Variants in AK4 observed in about 807,000 individuals in gnomAD.
The protein encoded by AK4 is adenylate kinase 4, also known as adenylate kinase 4, mitochondrial.
Under a neutral mutation model 24.6 loss-of-function variants are expected in AK4, and 13 were observed. The ratio of observed to expected loss-of-function variants is 0.53; its 90% CI spans 0.34 to 0.84. The LOEUF (loss-of-function observed/expected upper bound fraction) is 0.84, where lower values mean the gene tolerates loss of function less well. Ranked by LOEUF, AK4 falls within the 40% of genes least tolerant of loss-of-function variation. AK4 has a pLI of 0.01. For synonymous variants in AK4, 88 were observed against 107.0 expected, an observed-to-expected ratio of 0.82 and a Z score of 1.10; for missense variants, 192 against 288.2, an observed-to-expected ratio of 0.67 and a Z score of 2.42.
intron 1 of AK4, among the ~76,000 whole-genome samples, chr1:65,188,919 T>C (rs952019935): frequency 6.6e-6 from 1 of 151,010 alleles, no homozygotes; most frequent in African/African-American, 2.4e-5. Flanking sequence ...GGATTATAGG[T>C]GCCCGCCACC....
chr1:65,205,799 A>G lies in AK4; in HGVS notation c.266-12955A>G, dbSNP rs530435619. Among the ~76,000 whole-genome samples the G allele has an allele frequency of 3.3e-5, 5 of 152,134 alleles. No homozygotes were observed. The South Asian group carries it at 1.0e-3, about 32-fold the overall frequency. On this transcript the variant is annotated intron_variant, in intron 2 of 4. Coordinates refer to ENST00000327299, the MANE Select transcript of AK4 (RefSeq NM_013410.4). ...ATTCTATTGACTATTTTTTGTCTTT[A>G]TACTTTAAATTTTTCTTGCTTCTGT...
chr1:65,212,753 G>T (rs1358202105), intron 2 of AK4, among the ~76,000 whole-genome samples: 1 of 152,268 alleles, frequency 6.6e-6, no homozygotes, highest in East Asian at 1.9e-4. Flanking sequence ...CAGCAGCATC[G>T]TTGCATAGAA....
intron 1 of AK4, among the ~76,000 whole-genome samples, chr1:65,158,549 G>A (rs1439809487): frequency 6.6e-6 from 1 of 152,124 alleles, no homozygotes; most frequent in Non-Finnish European, 1.5e-5. Context: ...TGCCCAGGCC[G>A]AAGTGCAGTG....
chr1:65,160,288 C>T (rs1442397744), intron 1 of AK4, among the ~76,000 whole-genome samples: 6 of 152,088 alleles, frequency 3.9e-5, no homozygotes, highest in African/African-American at 1.2e-4. Flanking sequence ...CTGGGAATTC[C>T]AAGATGAAGG....
chr1:65,191,865 T>A (rs1651318872), intron 2 of AK4, among the ~76,000 whole-genome samples: 1 of 152,092 alleles, frequency 6.6e-6, no homozygotes, highest in Non-Finnish European at 1.5e-5. Context: ...GACTAAGGGA[T>A]GTCGAAGGCC....
chr1:65,171,562 C>T (rs529896432), intron 1 of AK4, among the ~76,000 whole-genome samples: 1 of 152,012 alleles, frequency 6.6e-6, no homozygotes, highest in Non-Finnish European at 1.5e-5. Context: ...ACCTCGGCCT[C>T]CCAAAGTGAT....
chr1:65,177,080 G>A (rs1557447004), intron 1 of AK4, among the ~76,000 whole-genome samples: 2 of 152,150 alleles, frequency 1.3e-5, no homozygotes. Flanking sequence ...AATCGATTGT[G>A]CAGATCACAG....
At chr1:65,181,657 G>C (rs1650911954) in intron 1 of AK4, among the ~76,000 whole-genome samples, 1 of 152,092 alleles carries the variant, frequency 6.6e-6, no homozygotes, top group African/African-American at 2.4e-5. Context: ...CAAAGTGCTG[G>C]GATTACAAGT....
At chr1:65,177,551 C>T (rs893461576) in intron 1 of AK4, among the ~76,000 whole-genome samples, 6 of 152,298 alleles carry the variant, frequency 3.9e-5, no homozygotes, top group South Asian at 2.1e-4. Context: ...ATGTTAAAAA[C>T]GGTAAATTGT....
At chr1:65,182,920 G>T (rs1357370423) in intron 1 of AK4, among the ~76,000 whole-genome samples, 1 of 152,142 alleles carries the variant, frequency 6.6e-6, no homozygotes, top group Non-Finnish European at 1.5e-5. Flanking sequence ...GATAACTACT[G>T]ACTGTTTAAT....
chr1:65,148,608 C>A, intron 1 of AK4, 56 bp downstream of exon 1: 1 of 1,513,156 alleles, frequency 6.6e-7, no homozygotes, highest in Non-Finnish European at 8.9e-7. Context: ...TGGGGTGAGG[C>A]CCTGGAGGGA....
intron 1 of AK4, among the ~76,000 whole-genome samples, chr1:65,173,155 C>T (rs1374146220): frequency 5.3e-5 from 8 of 152,056 alleles, no homozygotes; most frequent in Admixed American, 4.6e-4. Flanking sequence ...TGAGTCACTG[C>T]GCCCGGCCTA....
At chr1:65,151,936 G>A (rs940815133) in intron 1 of AK4, among the ~76,000 whole-genome samples, 1 of 152,018 alleles carries the variant, frequency 6.6e-6, no homozygotes, top group Non-Finnish European at 1.5e-5. Context: ...TAAATAGAAG[G>A]GAGAGTTCTC....
In AK4 at chr1:65,165,713, A is replaced by G. The variant is rs148533988; in HGVS notation, c.145+17161A>G. Among the ~76,000 whole-genome samples the G allele has an allele frequency of 3.8e-3, 583 of 152,180 alleles. 5 individuals carry two copies. Among genetic ancestry groups the G allele is most frequent in the African/African-American group, 0.014 (561 of 41,508 alleles). ...AGTATGATGTGGATTGTAGTGGGGG[A>G]AAACTGGAGCACAGCCAAGATGGTG... On this transcript the variant is annotated intron_variant, in intron 1 of 4. Transcript: ENST00000327299.
chr1:65,189,672 CA>C (rs1397190684), intron 1 of AK4, among the ~76,000 whole-genome samples: 19 of 139,618 alleles, frequency 1.4e-4, no homozygotes, highest in South Asian at 4.4e-4. Context: ...CACACACACA[CA>C]CACACCCCAC....
chr1:65,224,585 T>C (rs1652395892), intron 3 of AK4, among the ~76,000 whole-genome samples, 167 bp from the exon 4 acceptor site: 1 of 152,216 alleles, frequency 6.6e-6, no homozygotes, highest in South Asian at 2.1e-4. Context: ...TACTGTTAAG[T>C]GTGCTATTTC....
At chr1:65,206,709 T>C (rs1366293725) in intron 2 of AK4, among the ~76,000 whole-genome samples, 1 of 152,146 alleles carries the variant, frequency 6.6e-6, no homozygotes, top group Non-Finnish European at 1.5e-5. Flanking sequence ...AGCCCAGGAG[T>C]TAGAGATTGC....
chr1:65,171,382 C>A (rs1019833148), intron 1 of AK4, among the ~76,000 whole-genome samples: 1 of 144,950 alleles, frequency 6.9e-6, no homozygotes, highest in Non-Finnish European at 1.5e-5. Flanking sequence ...ACAATCTCCG[C>A]ACTGCAACCT....
intron 1 of AK4, among the ~76,000 whole-genome samples, chr1:65,168,672 G>A (rs114242223): frequency 0.012 from 1,761 of 152,224 alleles, 33 homozygotes; most frequent in African/African-American, 0.041. Context: ...AGGGCACACT[G>A]TAGCTCAGCC....
Sources: allele counts gnomAD v4.1 joint callset (sites outside exome capture counted in the v4.1 genomes callset), GRCh38; gene constraint gnomAD v4.1.1; transcripts MANE v1.5; gene names NCBI Gene and HGNC (gene_info 2026-07-23, HGNC 2026-07-21).